SYTL5: variants seen among roughly 807,000 people sequenced by gnomAD.
SYTL5 encodes the protein synaptotagmin-like protein 5.
Under a neutral mutation model 55.9 loss-of-function variants are expected in SYTL5, and 34 were observed. That is an observed-to-expected ratio of 0.61 (90% CI 0.46 to 0.81). SYTL5 has a LOEUF of 0.81. Ranked by LOEUF, SYTL5 falls within the 30% of genes least tolerant of loss-of-function variation. SYTL5 has a pLI of 0.00. For synonymous variants in SYTL5, 221 were observed against 188.7 expected (o/e 1.17, Z -1.40); for missense variants, 637 against 546.7 (o/e 1.17, Z -1.65).
chrX:38,013,816 G>A (rs1934259215), intron 1 of SYTL5, among the ~76,000 whole-genome samples: 1 of 109,977 alleles, frequency 9.1e-6, no homozygotes, highest in Non-Finnish European at 1.9e-5. Context: ...CTTTTCTTAA[G>A]GGGACCCTGC....
chrX:38,005,014 T>C (rs978116230), upstream of SYTL5, among the ~76,000 whole-genome samples: 2 of 111,497 alleles, frequency 1.8e-5, no homozygotes, highest in African/African-American at 6.5e-5. Context: ...ATTGCAAGCC[T>C]GTATCAAAAT....
At chrX:37,905,932 A>T in the SYTL5 span, among the ~76,000 whole-genome samples, 19 of 113,305 alleles carry the variant, frequency 1.7e-4, no homozygotes, top group African/African-American at 6.1e-4. Context: ...CTCTCGAGGC[A>T]CTAGGTCCTG....
At chrX:38,094,717 A>G (rs1936883348) in intron 8 of SYTL5, among the ~76,000 whole-genome samples, 1 of 111,746 alleles carries the variant, frequency 8.9e-6, no homozygotes, top group African/African-American at 3.3e-5. Flanking sequence ...GGAAATATAA[A>G]TTATTCCAGG....
At chrX:38,024,813 C>G (rs998782307) in intron 1 of SYTL5, among the ~76,000 whole-genome samples, 2 of 111,399 alleles carry the variant, frequency 1.8e-5, no homozygotes, top group East Asian at 2.8e-4. Flanking sequence ...CTGTTAGCCT[C>G]TCTACTGTTA....
chrX:38,126,844 T>C lies in SYTL5; in HGVS notation c.*114T>C, dbSNP rs1937663968. 8.8e-6 allele frequency: 7 copies of C among 799,773 alleles called. No individual in the cohort carries two copies. In the South Asian group the frequency reaches 1.7e-4, roughly 19 times the overall value. The allele number at this position is 799,773 out of a possible 1,213,427, so 65.9% of individuals were successfully genotyped here. Reference sequence around the variant, plus strand: ...CCCTGCCATTTCTCACCTGACAGTGTTGGGACATGAGGGGAGAGATGTCAG... The same window carrying C: ...CCCTGCCATTTCTCACCTGACAGTGCTGGGACATGAGGGGAGAGATGTCAG... On this transcript the variant is annotated 3_prime_UTR_variant, in exon 17 of 17. Transcript: ENST00000297875.
At chrX:38,069,659 G>A (rs1269297414) in intron 3 of SYTL5, among the ~76,000 whole-genome samples, 1 of 112,100 alleles carries the variant, frequency 8.9e-6, no homozygotes, top group East Asian at 2.8e-4. Flanking sequence ...AAGGGCTTAT[G>A]TGATTGCTTT....
chrX:37,998,229 C>G, the SYTL5 span, among the ~76,000 whole-genome samples: 2 of 112,666 alleles, frequency 1.8e-5, no homozygotes, highest in Admixed American at 1.9e-4. Flanking sequence ...CAGGACCCGT[C>G]AAATGGTGGG....
intron 2 of SYTL5, among the ~76,000 whole-genome samples, chrX:38,047,866 G>A (rs1935509963): frequency 9.0e-6 from 1 of 111,113 alleles, no homozygotes; most frequent in Non-Finnish European, 1.9e-5. Context: ...TAGGGCAGGG[G>A]AAAAATGCCA....
chrX:38,035,367 T>A (rs1465095310), intron 2 of SYTL5, among the ~76,000 whole-genome samples: 1 of 112,248 alleles, frequency 8.9e-6, no homozygotes, highest in Non-Finnish European at 1.9e-5. Context: ...ATTGATGACA[T>A]TCCAAGGGGA....
At chrX:38,103,139 A>G in intron 10 of SYTL5, 1 of 942,846 alleles carries the variant, frequency 1.1e-6, no homozygotes, top group Non-Finnish European at 1.5e-6. Context: ...ATACTTCACA[A>G]ATTTCATGGT....
chrX:38,100,419 TAC>T (rs1937052256), intron 9 of SYTL5, among the ~76,000 whole-genome samples: 2 of 111,360 alleles, frequency 1.8e-5, no homozygotes, highest in Admixed American at 1.9e-4. Context: ...CACTTAAAAT[TAC>T]AGTTTTCAAG....
At chrX:37,901,145 C>T in the SYTL5 span, among the ~76,000 whole-genome samples, 14 of 111,307 alleles carry the variant, frequency 1.3e-4, no homozygotes, top group Non-Finnish European at 2.6e-4. Flanking sequence ...TGAATGACTC[C>T]ACCATTGTCT....
upstream of SYTL5, among the ~76,000 whole-genome samples, chrX:38,002,043 G>A (rs1933871513): frequency 9.3e-6 from 1 of 107,213 alleles, no homozygotes; most frequent in Admixed American, 1.0e-4. Flanking sequence ...AGTCCCCAGA[G>A]TGTGATGTTC....
intron 1 of SYTL5, among the ~76,000 whole-genome samples, 177 bp downstream of exon 1, chrX:38,006,845 G>T (rs1260037476): frequency 9.0e-6 from 1 of 111,061 alleles, no homozygotes; most frequent in Non-Finnish European, 1.9e-5. Flanking sequence ...GGGACATTTT[G>T]GCCATTGGTA....
the SYTL5 span, among the ~76,000 whole-genome samples, chrX:37,955,934 A>G: frequency 2.7e-5 from 3 of 111,780 alleles, no homozygotes; most frequent in South Asian, 3.7e-4. Flanking sequence ...CCTGTTTTCC[A>G]TGGTGGACCA....
At chrX:38,108,510 CT>C (rs1937270673) in intron 11 of SYTL5, 89 bp from the exon 12 acceptor site, 1 of 656,728 alleles carries the variant, frequency 1.5e-6, no homozygotes, top group Non-Finnish European at 2.4e-6. Flanking sequence ...CTCACTGGCC[CT>C]TTGCCCCTTT....
At chrX:38,097,443 T>C (rs1307256059) in intron 9 of SYTL5, among the ~76,000 whole-genome samples, 1 of 110,829 alleles carries the variant, frequency 9.0e-6, no homozygotes, top group Non-Finnish European at 1.9e-5. Context: ...AAATTAAGAA[T>C]ATAATTCCAT....
At chrX:38,042,436 G>T (rs1234458545) in intron 2 of SYTL5, among the ~76,000 whole-genome samples, 1 of 111,519 alleles carries the variant, frequency 9.0e-6, no homozygotes. Flanking sequence ...TGCAAATGCA[G>T]AACTCAAGGT....
chrX:37,992,438 T>A, the SYTL5 span, among the ~76,000 whole-genome samples: 2 of 112,972 alleles, frequency 1.8e-5, 1 homozygote, highest in African/African-American at 6.4e-5. Flanking sequence ...GGGTTTCAGA[T>A]CCCAGTTCAC....
Sources: allele counts gnomAD v4.1 joint callset (sites outside exome capture counted in the v4.1 genomes callset), GRCh38; gene constraint gnomAD v4.1.1; transcripts MANE v1.5; gene names NCBI Gene and HGNC (gene_info 2026-07-23, HGNC 2026-07-21).